HPSE2: variants seen among roughly 807,000 people sequenced by gnomAD.
HPSE2 encodes the protein heparanase 2 (inactive).
Under a neutral mutation model 60.5 loss-of-function variants are expected in HPSE2, and 38 were observed. That is an observed-to-expected ratio of 0.63 (90% confidence interval 0.48 to 0.82). The LOEUF is 0.82. HPSE2 is among the 40% of genes least tolerant of loss of function. The pLI is 0.00. For synonymous variants in HPSE2, 295 were observed against 293.2 expected, an observed-to-expected ratio of 1.01 and a Z score of -0.06; for missense variants, 713 against 740.4, an observed-to-expected ratio of 0.96 and a Z score of 0.43.
intron 3 of HPSE2, among the ~76,000 whole-genome samples, chr10:99,071,287 C>A (rs1842782282): frequency 6.6e-6 from 1 of 152,106 alleles, no homozygotes; most frequent in South Asian, 2.1e-4. Flanking sequence ...CCAGGCTGTT[C>A]TCAAACTCCT....
chr10:99,112,071 C>T (rs1844483824), intron 3 of HPSE2, among the ~76,000 whole-genome samples: 1 of 152,160 alleles, frequency 6.6e-6, no homozygotes, highest in African/African-American at 2.4e-5. Context: ...TAACAAAAGG[C>T]AAATACTCTA....
chr10:98,704,523 A>G (rs2134202326), intron 5 of HPSE2, among the ~76,000 whole-genome samples: 1 of 152,324 alleles, frequency 6.6e-6, no homozygotes, highest in East Asian at 1.9e-4. Flanking sequence ...CTACAAGGCT[A>G]CAGTATTTAA....
chr10:98,870,082 A>C (rs1564623005), intron 3 of HPSE2, among the ~76,000 whole-genome samples: 1 of 152,176 alleles, frequency 6.6e-6, no homozygotes, highest in Non-Finnish European at 1.5e-5. Context: ...GCAGGTCTAA[A>C]ATATATACCT....
intron 3 of HPSE2, among the ~76,000 whole-genome samples, chr10:98,904,127 T>C (rs1953743306): frequency 6.6e-6 from 1 of 152,154 alleles, no homozygotes; most frequent in South Asian, 2.1e-4. Flanking sequence ...TATATCGATA[T>C]TTTAGAAATA....
chr10:99,276,747 C>A, the HPSE2 span, among the ~76,000 whole-genome samples: 1 of 152,016 alleles, frequency 6.6e-6, no homozygotes, highest in Non-Finnish European at 1.5e-5. Context: ...CAGGCAAATT[C>A]TTTTTTATTC....
At chr10:99,091,671 T>C (rs1164037532) in intron 3 of HPSE2, among the ~76,000 whole-genome samples, 2 of 152,196 alleles carry the variant, frequency 1.3e-5, no homozygotes, top group East Asian at 1.9e-4. Flanking sequence ...GTGGTACTTT[T>C]TGATAGCTAT....
intron 3 of HPSE2, among the ~76,000 whole-genome samples, chr10:98,883,317 T>C (rs977915196): frequency 2.0e-5 from 3 of 152,152 alleles, no homozygotes; most frequent in African/African-American, 7.2e-5. Flanking sequence ...TCCAAAATCA[T>C]ATGGAAAATA....
chr10:98,810,405 C>T (rs1951143298), intron 3 of HPSE2, among the ~76,000 whole-genome samples: 1 of 151,982 alleles, frequency 6.6e-6, no homozygotes, highest in South Asian at 2.1e-4. Flanking sequence ...AATCACAACA[C>T]ATTCTTGAAG....
intron 9 of HPSE2, among the ~76,000 whole-genome samples, chr10:98,532,101 C>T (rs1943148242): frequency 6.6e-6 from 1 of 152,084 alleles, no homozygotes; most frequent in Admixed American, 6.5e-5. Flanking sequence ...CCTTCCTAAG[C>T]CAGGCCATGT....
intron 9 of HPSE2, among the ~76,000 whole-genome samples, chr10:98,547,671 G>C (rs1390061714): frequency 2.1e-4 from 24 of 113,226 alleles, no homozygotes; most frequent in South Asian, 1.6e-3. Flanking sequence ...GGGGGGAGGG[G>C]GGAGGGATGG....
Position 98,592,467 on chromosome 10 carries a change from G to A in HPSE2, c.1320+22437C>T, listed in dbSNP as rs925440624. Among the ~76,000 whole-genome samples, 12 of 152,228 alleles carry A rather than the reference G, an allele frequency of 7.9e-5. No individual in the cohort carries two copies. The East Asian group carries it at 2.3e-3, about 29-fold the overall frequency. On this transcript the variant is annotated intron_variant, in intron 9 of 11. Coordinates refer to ENST00000370552, the MANE Select transcript of HPSE2 (RefSeq NM_021828.5). ...AAATGTATCTGGAAAATATTTTCAA[G>A]CTAAATCTCATTTTCTTATTTCCTG...
intron 3 of HPSE2, among the ~76,000 whole-genome samples, chr10:98,856,362 C>T (rs867008498): frequency 1.8e-4 from 28 of 151,998 alleles, no homozygotes; most frequent in African/African-American, 6.3e-4. Flanking sequence ...ACTGAATAAG[C>T]GGATTCAGAA....
rs1265896417 is a variant in HPSE2 at position 98,492,594 on chromosome 10, CTT to C, written c.1321-2400_1321-2399del. ...TAATTATGTAGAGATAAAAAATAAACTTATATAATCCCCACCATAATTGAGTG... is the reference window on the plus strand; with the variant it reads ...TAATTATGTAGAGATAAAAAATAAACATATAATCCCCACCATAATTGAGTG... On this transcript the variant is annotated intron_variant, in intron 9 of 11. Coordinates refer to ENST00000370552, the MANE Select transcript of HPSE2 (RefSeq NM_021828.5). Among the ~76,000 whole-genome samples, 9 of 150,054 alleles carry C rather than the reference CTT, an allele frequency of 6.0e-5. 1 individual carries two copies. The East Asian group carries it at 1.4e-3, about 23-fold the overall frequency.
intron 2 of HPSE2, among the ~76,000 whole-genome samples, chr10:99,207,014 C>G (rs1440469883): frequency 6.6e-6 from 1 of 151,940 alleles, no homozygotes; most frequent in Non-Finnish European, 1.5e-5. Context: ...AGAATATTTT[C>G]CAAATCTAGA....
At chr10:99,305,046 T>C in the HPSE2 span, among the ~76,000 whole-genome samples, 1 of 152,200 alleles carries the variant, frequency 6.6e-6, no homozygotes, top group Admixed American at 6.5e-5. Flanking sequence ...TGGAGATTAA[T>C]ACTAACATCT....
At chr10:98,734,317 T>C (rs569901869) in intron 4 of HPSE2, among the ~76,000 whole-genome samples, 1 of 152,370 alleles carries the variant, frequency 6.6e-6, no homozygotes, top group Admixed American at 6.5e-5. Flanking sequence ...TTAACATTCA[T>C]GTAGAAGTTT....
intron 9 of HPSE2, among the ~76,000 whole-genome samples, chr10:98,512,584 C>A (rs1255213336): frequency 2.5e-4 from 36 of 143,932 alleles, no homozygotes; most frequent in Non-Finnish European, 2.6e-4. Context: ...GACTGCGTCT[C>A]AAAAAAAAAA....
At chr10:99,223,677 T>G (rs569969070) in intron 2 of HPSE2, among the ~76,000 whole-genome samples, 2 of 152,314 alleles carry the variant, frequency 1.3e-5, no homozygotes, top group Middle Eastern at 3.4e-3. Context: ...GGTGGTTATA[T>G]CTATATTGGT....
chr10:99,033,643 C>T (rs984595665), intron 3 of HPSE2, among the ~76,000 whole-genome samples: 11 of 151,994 alleles, frequency 7.2e-5, no homozygotes, highest in African/African-American at 2.7e-4. Context: ...ATTAGCCAAG[C>T]ATGGTGGTAG....
Sources: gnomAD v4.1 joint callset for allele counts (sites outside exome capture counted in the v4.1 genomes callset) on GRCh38, gnomAD v4.1.1 for gene constraint, MANE v1.5 for transcripts, NCBI Gene and HGNC (gene_info 2026-07-23, HGNC 2026-07-21) for gene names.